Variants in RNF144A observed in about 807,000 individuals in gnomAD.
RNF144A encodes the protein ring finger protein 144A, also known as E3 ubiquitin-protein ligase RNF144A.
A neutral mutation model predicts 38.7 loss-of-function variants in RNF144A; 11 were observed. The ratio of observed to expected loss-of-function variants is 0.28; its 90% confidence interval spans 0.18 to 0.47. The LOEUF (loss-of-function observed/expected upper bound fraction) is 0.47, where lower values mean the gene tolerates loss of function less well. Ranked by LOEUF, RNF144A falls within the 20% of genes least tolerant of loss-of-function variation. RNF144A has a pLI of 0.99. For synonymous variants in RNF144A, 149 were observed against 143.9 expected (o/e 1.04, Z -0.25); for missense variants, 316 against 377.2 (o/e 0.84, Z 1.34).
chr2:7,073,565 C>T, the RNF144A span, among the ~76,000 whole-genome samples: 1 of 152,178 alleles, frequency 6.6e-6, no homozygotes, highest in Non-Finnish European at 1.5e-5. Flanking sequence ...GAGGTGTCTT[C>T]ATGTCTGGCA....
Position 6,938,235 on chromosome 2 carries a change from T to A in RNF144A, c.-211-2713T>A, listed in dbSNP as rs771303. Among the ~76,000 whole-genome samples, 7 of 116,714 alleles carry A rather than the reference T, an allele frequency of 6.0e-5. No homozygotes were observed. In the East Asian group the frequency reaches 8.0e-4, roughly 13 times the overall value. 76.6% of individuals were successfully genotyped at this position (116,714 alleles called of 152,430 possible). ...TGTTTCTGTTCCCCTCCCCTCCCCC[T>A]CTCCCCTCCCCTCCCTTTTTTTTTT... On this transcript the variant is annotated intron_variant, in intron 1 of 8. Coordinates refer to ENST00000320892, the MANE Select transcript of RNF144A (RefSeq NM_014746.6).
chr2:7,001,585 G>A (rs940987630), intron 3 of RNF144A, among the ~76,000 whole-genome samples: 1 of 152,038 alleles, frequency 6.6e-6, no homozygotes, highest in Non-Finnish European at 1.5e-5. Context: ...GCTGAAGCAG[G>A]AAGACTGCTT....
intron 2 of RNF144A, among the ~76,000 whole-genome samples, chr2:6,982,770 A>C (rs749114211): frequency 2.4e-4 from 37 of 152,228 alleles, no homozygotes; most frequent in Non-Finnish European, 2.9e-5. Flanking sequence ...ACTTGGTGAC[A>C]TTATTATCAC....
intron 1 of RNF144A, among the ~76,000 whole-genome samples, chr2:6,926,592 G>A (rs997083782): frequency 1.2e-4 from 18 of 152,174 alleles, no homozygotes; most frequent in Non-Finnish European, 2.4e-4. Flanking sequence ...CAATAGGTTC[G>A]GTGTGGGTAC....
intron 1 of RNF144A, among the ~76,000 whole-genome samples, chr2:6,938,016 G>C (rs1665703567): frequency 6.6e-6 from 1 of 152,198 alleles, no homozygotes; most frequent in Non-Finnish European, 1.5e-5. Context: ...GGATGGCCCT[G>C]CAGAGGCAGA....
chr2:7,031,499 A>T (rs930838044), intron 8 of RNF144A, among the ~76,000 whole-genome samples: 10 of 152,284 alleles, frequency 6.6e-5, no homozygotes, highest in Middle Eastern at 3.4e-3. Flanking sequence ...GCAACCCTGG[A>T]TCTTGTGCTG....
At chr2:7,021,458 C>T (rs1324089615) in intron 6 of RNF144A, among the ~76,000 whole-genome samples, 3 of 152,150 alleles carry the variant, frequency 2.0e-5, no homozygotes, top group Non-Finnish European at 4.4e-5. Flanking sequence ...TAGCCCCCGA[C>T]CCTCTCAGGG....
At chr2:6,983,384 A>G (rs11690018) in intron 2 of RNF144A, among the ~76,000 whole-genome samples, 290 of 152,306 alleles carry the variant, frequency 1.9e-3, no homozygotes, top group African/African-American at 6.5e-3. Context: ...AGGTTCTAAA[A>G]GGAGACAGTG....
At chr2:7,038,242 A>G (rs540177965) in intron 8 of RNF144A, among the ~76,000 whole-genome samples, 2 of 152,322 alleles carry the variant, frequency 1.3e-5, no homozygotes, top group East Asian at 3.9e-4. Flanking sequence ...GAAATGCACT[A>G]TTCCAGTCTT....
intron 2 of RNF144A, among the ~76,000 whole-genome samples, chr2:6,950,245 A>G (rs1666595145): frequency 6.6e-6 from 1 of 152,152 alleles, no homozygotes; most frequent in African/African-American, 2.4e-5. Context: ...TTTCCTTGCT[A>G]TTTTAAGCGT....
intron 1 of RNF144A, among the ~76,000 whole-genome samples, chr2:6,939,792 C>T (rs906715883): frequency 2.0e-5 from 3 of 150,898 alleles, no homozygotes; most frequent in Admixed American, 6.6e-5. Flanking sequence ...CAGCACTATT[C>T]GTTGAAAAAA....
chr2:7,067,240 T>C (rs574364144), intron 6 of RNF144A, among the ~76,000 whole-genome samples: 2 of 152,276 alleles, frequency 1.3e-5, no homozygotes, highest in South Asian at 4.1e-4. Flanking sequence ...GCAACCACAC[T>C]CCAGACTAAT....
Position 6,985,259 on chromosome 2 carries a change from C to T in RNF144A, c.-11-11657C>T, listed in dbSNP as rs543995218. On this transcript the variant is annotated intron_variant, in intron 2 of 8. Transcript: ENST00000320892. Reference sequence around the variant, plus strand: ...TCATTTTGCATGTTTTAATTCATCTCCCTCCCCCCTCTTTTTTTTTTTTTT... The same window carrying T: ...TCATTTTGCATGTTTTAATTCATCTTCCTCCCCCCTCTTTTTTTTTTTTTT... Among the ~76,000 whole-genome samples, 302 of 136,476 alleles carry T rather than the reference C, an allele frequency of 2.2e-3. 2 individuals are homozygous for T. The highest frequency in any genetic ancestry group is 8.2e-3 in the African/African-American group (296 of 36,298). The allele number at this position is 136,476 out of a possible 152,430, so 89.5% of individuals were successfully genotyped here.
At chr2:7,005,914 AC>A (rs150255919) in intron 3 of RNF144A, among the ~76,000 whole-genome samples, 428 of 130,808 alleles carry the variant, frequency 3.3e-3, no homozygotes, top group African/African-American at 0.012. Context: ...CATATCTGCC[AC>A]TCTTTTTTTT....
At chr2:6,936,155 T>A (rs947264855) in intron 1 of RNF144A, among the ~76,000 whole-genome samples, 1 of 152,198 alleles carries the variant, frequency 6.6e-6, no homozygotes, top group African/African-American at 2.4e-5. Flanking sequence ...CTCCGTACAT[T>A]CTCATGTCCT....
intron 2 of RNF144A, among the ~76,000 whole-genome samples, chr2:6,982,466 A>G (rs1668695624): frequency 6.6e-6 from 1 of 152,228 alleles, no homozygotes; most frequent in Admixed American, 6.5e-5. Flanking sequence ...TTCTTCCTAG[A>G]TAACTAGGCA....
At chr2:6,950,887 C>T (rs1187965099) in intron 2 of RNF144A, among the ~76,000 whole-genome samples, 2 of 152,106 alleles carry the variant, frequency 1.3e-5, no homozygotes, top group Non-Finnish European at 1.5e-5. Context: ...TTGATTTGAA[C>T]TCATTTTCCT....
At chr2:6,991,171 T>C (rs1279686224) in intron 2 of RNF144A, among the ~76,000 whole-genome samples, 1 of 152,210 alleles carries the variant, frequency 6.6e-6, no homozygotes, top group East Asian at 1.9e-4. Flanking sequence ...TGAACATAAG[T>C]CTTCACATTA....
chr2:6,935,513 C>G (rs1665513274), intron 1 of RNF144A, among the ~76,000 whole-genome samples: 2 of 152,244 alleles, frequency 1.3e-5, no homozygotes, highest in Admixed American at 6.5e-5. Context: ...TCTTTCCCGT[C>G]TACATCCCTG....
Sources: allele counts gnomAD v4.1 joint callset (sites outside exome capture counted in the v4.1 genomes callset), GRCh38; gene constraint gnomAD v4.1.1; transcripts MANE v1.5; gene names NCBI Gene and HGNC (gene_info 2026-07-23, HGNC 2026-07-21).